The following SRSF10 variants were observed in gnomAD, a reference collection of about 807,000 sequenced individuals.
The protein encoded by SRSF10 is serine/arginine-rich splicing factor 10.
SRSF10 carries 9 observed loss-of-function variants against 32.6 expected under a neutral mutation model. That is an observed-to-expected ratio of 0.28 (90% CI 0.17 to 0.48). The LOEUF (loss-of-function observed/expected upper bound fraction) is 0.48, where lower values mean the gene tolerates loss of function less well. Ranked by LOEUF, SRSF10 falls within the 20% of genes least tolerant of loss-of-function variation. The probability of loss-of-function intolerance (pLI) is 0.99; values close to 1 mark genes in which losing one functional copy is unlikely to be tolerated. For synonymous variants in SRSF10, 105 were observed against 112.4 expected, an observed-to-expected ratio of 0.93 and a Z score of 0.42; for missense variants, 201 against 331.8, an observed-to-expected ratio of 0.61 and a Z score of 3.06.
intron 2 of SRSF10, chr1:23,977,871 TAA>T (rs34976283): frequency 1.2e-5 from 10 of 844,756 alleles, no homozygotes; most frequent in Non-Finnish European, 1.1e-5. Flanking sequence ...TACAAAACAT[TAA>T]AAAAAAAAAA....
chr1:23,971,007 A>T lies in SRSF10; in HGVS notation c.*135T>A. 6 of 1,470,372 alleles carry T rather than the reference A, an allele frequency of 4.1e-6. No homozygotes were observed. Among genetic ancestry groups the T allele is most frequent in the Non-Finnish European group, 5.4e-6 (6 of 1,117,778 alleles). The allele number at this position is 1,470,372 out of a possible 1,614,324, so 91.1% of individuals were successfully genotyped here. Reference sequence around the variant, plus strand: ...TCAACAGCATATCATTTTAATTATAACCATTGCCTGGTACAGGGAAAACTA... The same window carrying T: ...TCAACAGCATATCATTTTAATTATATCCATTGCCTGGTACAGGGAAAACTA... On this transcript the variant is annotated 3_prime_UTR_variant, in exon 6 of 6. Transcript: ENST00000492112.
intron 3 of SRSF10, among the ~76,000 whole-genome samples, chr1:23,973,157 C>A (rs1287414550): frequency 6.6e-6 from 1 of 152,132 alleles, no homozygotes; most frequent in South Asian, 2.1e-4. Context: ...GAAAAAGGCA[C>A]GTATTTATTT....
In SRSF10 at chr1:23,965,280, A is replaced by C. The variant is rs1268537968; in HGVS notation, c.*5862T>G. 1 of 152,018 alleles carries C rather than the reference A, an allele frequency of 6.6e-6. No individual in the cohort carries two copies. Among genetic ancestry groups the C allele is most frequent in the Non-Finnish European group, 1.5e-5 (1 of 67,858 alleles). 9.4% of individuals were successfully genotyped at this position (152,018 alleles called of 1,614,324 possible). On this transcript the variant is annotated 3_prime_UTR_variant, in exon 6 of 6. Transcript: ENST00000492112. ...CTATCACTCAAGTCACAGATACTTC[A>C]GAATATAATCTTAGGTTTTGTAAAC...
At chr1:23,975,320 T>A in intron 2 of SRSF10, 1 of 433,262 alleles carries the variant, frequency 2.3e-6, no homozygotes, top group Non-Finnish European at 4.1e-6. Context: ...AAAGTTATTA[T>A]TGAAATAAGA....
At position 23,968,738 on chromosome 1, in the gene SRSF10, G is replaced by C. The variant is rs1274964627; in HGVS notation, c.*2404C>G. Among the ~76,000 whole-genome samples, 1 of 152,110 alleles carries C rather than the reference G, an allele frequency of 6.6e-6. No homozygotes were observed. The highest frequency in any genetic ancestry group is 2.4e-5 in the African/African-American group (1 of 41,430). ...TAAACGTTAAGCCCTAATGCGTCTT[G>C]TTTATAAGAGGGAGAGCAGAATTAC... On this transcript the variant is annotated 3_prime_UTR_variant, in exon 6 of 6. Transcript: ENST00000492112.
Position 23,970,896 on chromosome 1 carries a change from G to A in SRSF10, c.*246C>T, listed in dbSNP as rs1641716885. 2 of 1,207,858 alleles carry A rather than the reference G, an allele frequency of 1.7e-6. No individual in the cohort carries two copies. The highest frequency in any genetic ancestry group is 7.5e-5 in the South Asian group (2 of 26,818). The allele number at this position is 1,207,858 out of a possible 1,614,324, so 74.8% of individuals were successfully genotyped here. ...ACCAAATACTTCAAGCATAAAAAAT[G>A]AGAATCTTTACAAAAATATACAGAG... On this transcript the variant is annotated 3_prime_UTR_variant, in exon 6 of 6. Coordinates refer to ENST00000492112, the MANE Select transcript of SRSF10 (RefSeq NM_054016.4).
intron 3 of SRSF10, among the ~76,000 whole-genome samples, chr1:23,972,702 G>C (rs1200062014): frequency 1.3e-5 from 2 of 151,012 alleles, no homozygotes; most frequent in African/African-American, 2.4e-5. Flanking sequence ...TCGGCCTCCC[G>C]AAGTGCTAGG....
chr1:23,971,462 TAATTAGAGTAAA>T, intron 5 of SRSF10, 23 bp from the exon 6 acceptor site: 1 of 1,592,556 alleles, frequency 6.3e-7, no homozygotes. Flanking sequence ...AGGAGAGATA[TAATTAGAGTAAA>T]AATTAGATTC....
At position 23,964,822 on chromosome 1, in the gene SRSF10, AC is replaced by A. The variant is rs1641374437; in HGVS notation, c.*6319del. ...CCCAAGATTTATTTTTGGCTCCTAG[AC>A]CAGTTTATTTCACTTTCCAGCATTC... On this transcript the variant is annotated 3_prime_UTR_variant, in exon 6 of 6. Transcript: ENST00000492112. 1 of 151,964 alleles carries A rather than the reference AC, an allele frequency of 6.6e-6. No individual in the cohort carries two copies. Among genetic ancestry groups the A allele is most frequent in the African/African-American group, 2.4e-5 (1 of 41,432 alleles). 9.4% of individuals were successfully genotyped at this position (151,964 alleles called of 1,614,324 possible). A position where few individuals can be genotyped will look rare whatever the true frequency, so the allele number is the denominator to read the frequency against.
At chr1:23,972,498 T>C (rs755784445) in intron 3 of SRSF10, among the ~76,000 whole-genome samples, 9 of 151,898 alleles carry the variant, frequency 5.9e-5, no homozygotes, top group African/African-American at 1.9e-4. Flanking sequence ...TGGAATGCAG[T>C]GGCGCAATCT....
In SRSF10 at chr1:23,964,376, T is replaced by C. The variant is rs1641354524; in HGVS notation, c.*6766A>G. ...GTACTGATAAAAGTTTTGGTTAGCC[T>C]ATATAGAGAATGGTGATAGGAATTT... is the stretch of plus-strand genomic sequence containing the variant. On this transcript the variant is annotated 3_prime_UTR_variant, in exon 6 of 6. Coordinates refer to ENST00000492112, the MANE Select transcript of SRSF10 (RefSeq NM_054016.4). 6.6e-6 allele frequency among the ~76,000 whole-genome samples: 1 copy of C among 151,610 alleles called. No individual in the cohort carries two copies.
At chr1:23,975,293 T>C in intron 2 of SRSF10, 1 of 521,170 alleles carries the variant, frequency 1.9e-6, no homozygotes, top group Admixed American at 3.5e-5. Flanking sequence ...TGAAAATGTA[T>C]GAATACATAT....
rs71655401 is a variant in SRSF10 at position 23,979,057 on chromosome 1, G to GTTTT, written c.66-244_66-241dup. 633 of 134,056 alleles carry GTTTT rather than the reference G, an allele frequency of 4.7e-3. 14 individuals are homozygous for GTTTT. Among genetic ancestry groups the GTTTT allele is most frequent in the Middle Eastern group, 0.02 (5 of 250 alleles). The allele number at this position is 134,056 out of a possible 1,614,324, so 8.3% of individuals were successfully genotyped here. ...CAGCATTAGGTTGTATATAAGCCTT[G>GTTTT]TTTTTTTTTTTTTTTTTACTTTTAC... On this transcript the variant is annotated intron_variant, in intron 1 of 5. Coordinates refer to ENST00000492112, the MANE Select transcript of SRSF10 (RefSeq NM_054016.4).
In SRSF10 at chr1:23,970,961, T is replaced by C; in HGVS notation, c.*181A>G. ...TAGCTGCCCATAACATTAAACAAAC[T>C]GGACTCTTAAGAGTGGCTTCTCAAC... On this transcript the variant is annotated 3_prime_UTR_variant, in exon 6 of 6. Transcript: ENST00000492112. 7.4e-7 allele frequency: 1 copy of C among 1,347,214 alleles called. No homozygotes were observed. Among genetic ancestry groups the C allele is most frequent in the Non-Finnish European group, 9.5e-7 (1 of 1,052,548 alleles). The allele number at this position is 1,347,214 out of a possible 1,614,324, so 83.5% of individuals were successfully genotyped here.
intron 2 of SRSF10, chr1:23,977,473 G>A (rs1557572492): frequency 6.6e-6 from 1 of 152,090 alleles, no homozygotes; most frequent in East Asian, 1.9e-4. Context: ...AGAAGTTAAG[G>A]GTTTATATGT....
chr1:23,971,275 G>C lies in SRSF10; in HGVS notation c.656C>G (p.Ser219Cys), dbSNP rs1422930485. 1.2e-6 allele frequency: 2 copies of C among 1,613,896 alleles called. No individual in the cohort carries two copies. Among genetic ancestry groups the C allele is most frequent in the Non-Finnish European group, 1.7e-6 (2 of 1,179,906 alleles). ...TGATTCCTTTTCATATCTTGAGCCA[G>C]ACTTATAATGTGTTTTGGAATCTGT... Reference protein sequence around the residue: ...SKTDSKTHYKSGSRYEKESRK... With the variant: ...SKTDSKTHYKCGSRYEKESRK... The change falls in exon 6 of 6, where the codon TCT becomes TGT. Residue 219 changes from serine (S) to cysteine (C), a missense_variant. Around this residue, in one of 3 missense-constraint regions of SRSF10, gnomAD observed 159 missense variants for 196.7 expected, o/e 0.81. Transcript: ENST00000492112.
rs1641660432 is a variant in SRSF10, at chr1:23,970,181, G to C, written c.*961C>G. On this transcript the variant is annotated 3_prime_UTR_variant, in exon 6 of 6. Transcript: ENST00000492112. ...CATCAACGACCTGCTCAAATTTTAA[G>C]GTGAGTTTTTGTGTTTTCTATGTTC... is the stretch of plus-strand genomic sequence containing the variant. 10 of 985,166 alleles carry C rather than the reference G, an allele frequency of 1.0e-5. No homozygotes were observed. Among genetic ancestry groups the C allele is most frequent in the Non-Finnish European group, 1.1e-5 (9 of 829,920 alleles). 61.0% of individuals were successfully genotyped at this position (985,166 alleles called of 1,614,324 possible). A position where few individuals can be genotyped will look rare whatever the true frequency, so the allele number is the denominator to read the frequency against.
rs1570800222 is a variant in SRSF10 at position 23,980,264 on chromosome 1, C to T, written c.-9G>A. On this transcript the variant is annotated 5_prime_UTR_variant, in exon 1 of 6. Transcript: ENST00000492112. Reference sequence around the variant, plus strand: ...CGCAGGTAGCGGGACATGGCGGCGGCGTGTCTCGGCCGGGCGCACTAACGG... The same window carrying T: ...CGCAGGTAGCGGGACATGGCGGCGGTGTGTCTCGGCCGGGCGCACTAACGG... 1.3e-6 allele frequency: 2 copies of T among 1,484,516 alleles called. No homozygotes were observed. The highest frequency in any genetic ancestry group is 1.5e-5 in the African/African-American group (1 of 68,464). 92.0% of individuals were successfully genotyped at this position (1,484,516 alleles called of 1,614,324 possible). A position where few individuals can be genotyped will look rare whatever the true frequency, so the allele number is the denominator to read the frequency against.
rs894187348 is a variant in SRSF10 at position 23,972,370 on chromosome 1, G to A, written c.275-358C>T. Among the ~76,000 whole-genome samples the A allele has an allele frequency of 3.4e-5, 5 of 148,818 alleles. No individual in the cohort carries two copies. In the East Asian group the frequency reaches 6.0e-4, roughly 18 times the overall value. On this transcript the variant is annotated intron_variant, in intron 3 of 5. Coordinates refer to ENST00000492112, the MANE Select transcript of SRSF10 (RefSeq NM_054016.4). ...GTAAATTGTGATCACACCACCGCAC[G>A]CCAGCCTGGGGGTCAGAGACCCTGT...
Sources: gnomAD v4.1 joint callset for allele counts (sites outside exome capture counted in the v4.1 genomes callset) on GRCh38, gnomAD v4.1.1 for gene constraint, gnomAD v4.1.1 regional missense constraint, MANE v1.5 for transcripts, NCBI Gene and HGNC (gene_info 2026-07-23, HGNC 2026-07-21) for gene names.